Variants in EIF2D observed in about 807,000 individuals in gnomAD.
EIF2D encodes the protein eukaryotic translation initiation factor 2D, also known as hepatocellular carcinoma-associated antigen 56.
Under a neutral mutation model 77.4 loss-of-function variants are expected in EIF2D, and 56 were observed. That is an observed-to-expected ratio of 0.72 (90% CI 0.58 to 0.90). EIF2D has a LOEUF of 0.90. Among genes scored for constraint, EIF2D ranks in the 40% least tolerant of loss-of-function variants. The probability of loss-of-function intolerance (pLI) is 0.00; values close to 1 mark genes in which losing one functional copy is unlikely to be tolerated. For synonymous variants in EIF2D, 230 were observed against 271.0 expected (o/e 0.85, Z 1.49); for missense variants, 574 against 706.5 (o/e 0.81, Z 2.13).
At chr1:206,604,138 G>A (rs1407594218) in intron 5 of EIF2D, among the ~76,000 whole-genome samples, 1 of 152,186 alleles carries the variant, frequency 6.6e-6, no homozygotes, top group Admixed American at 6.5e-5. Flanking sequence ...GACTTGGCAA[G>A]TACTTGTAAA....
chr1:206,612,246 C>T (rs782417113), intron 1 of EIF2D, 41 bp downstream of exon 1: 2 of 1,613,860 alleles, frequency 1.2e-6, no homozygotes, highest in South Asian at 1.1e-5. Flanking sequence ...CAAGAGGTGT[C>T]TGGTTGTTCC....
At chr1:206,574,306 C>T (rs542297858) in intron 4 of EIF2D, among the ~76,000 whole-genome samples, 6 of 152,190 alleles carry the variant, frequency 3.9e-5, no homozygotes, top group East Asian at 1.9e-4. Context: ...TGTGCCACAG[C>T]GCATCCATCT....
intron 4 of EIF2D, among the ~76,000 whole-genome samples, chr1:206,605,865 C>T (rs1670180891): frequency 6.6e-6 from 1 of 152,102 alleles, no homozygotes; most frequent in Admixed American, 6.5e-5. Flanking sequence ...ATCTCCTCTA[C>T]CTTAAAGAAG....
At position 206,611,413 on chromosome 1, in the gene EIF2D, C is replaced by T. The variant is rs187836873; in HGVS notation, c.57-39G>A. On this transcript the variant is annotated intron_variant, in intron 1 of 14. Transcript: ENST00000271764. ...ACCAGCACTGTGAATGCTGCCTGGACAGACTTTTAATAAATATCAAGAACG... is the reference window on the plus strand; with the variant it reads ...ACCAGCACTGTGAATGCTGCCTGGATAGACTTTTAATAAATATCAAGAACG... 2.0e-4 allele frequency: 314 copies of T among 1,552,218 alleles called. 3 individuals carry two copies. In the African/African-American group the frequency reaches 4.0e-3, roughly 20 times the overall value.
chr1:206,602,342 G>A lies in EIF2D; in HGVS notation c.896C>T (p.Ser299Phe), dbSNP rs782310697. 2.8e-5 allele frequency: 45 copies of A among 1,613,892 alleles called. No individual in the cohort carries two copies. The highest frequency in any genetic ancestry group is 3.6e-5 in the Non-Finnish European group (43 of 1,179,854). Residue 299 changes from serine (S) to phenylalanine (F), a missense_variant, in exon 7 of 15, where the codon TCC becomes TTC. Ser to Phe is a radical substitution (Grantham distance 155). Coordinates refer to ENST00000271764, the MANE Select transcript of EIF2D (RefSeq NM_006893.3). ...TSTFLGSHMF[S>F]CCPEGRQLDI... is the part of the protein sequence containing the mutation. ...ACATCAGTGCTTTCCATACCAGCAG[G>A]AGAACATGTGGCTGCCAAGGAAAGT...
chr1:206,586,567 T>G, intron 2 of EIF2D: 1 of 351,118 alleles, frequency 2.8e-6, no homozygotes, highest in Non-Finnish European at 5.3e-6. Context: ...AAACTTAAGA[T>G]TATTGAGTTT....
chr1:206,598,193 A>G (rs568076715), intron 11 of EIF2D, among the ~76,000 whole-genome samples: 11 of 151,616 alleles, frequency 7.3e-5, no homozygotes, highest in African/African-American at 2.7e-4. Flanking sequence ...ATGCCCTACC[A>G]TGCCCGGCTA....
At chr1:206,588,573 A>C (rs949449104), downstream of EIF2D, 2 of 152,300 alleles carry the variant, frequency 1.3e-5, no homozygotes, top group Non-Finnish European at 2.9e-5. Flanking sequence ...TTCAAGCCCA[A>C]GCTTGTTCGT....
chr1:206,591,732 C>A lies in EIF2D; in HGVS notation c.*43G>T, dbSNP rs1669342685. 6.3e-7 allele frequency: 1 copy of A among 1,577,846 alleles called. No homozygotes were observed. ...GCTCATAAAAATTACCAGCCCAGAG[C>A]TTGGATTTCCACCGGATCCACCACG... On this transcript the variant is annotated 3_prime_UTR_variant, in exon 15 of 15. Transcript: ENST00000271764.
chr1:206,581,771 C>T (rs1668890403), intron 2 of EIF2D, among the ~76,000 whole-genome samples: 1 of 152,022 alleles, frequency 6.6e-6, no homozygotes, highest in South Asian at 2.1e-4. Flanking sequence ...GACATTGCAT[C>T]GGTTCTGTGG....
At position 206,592,572 on chromosome 1, in the gene EIF2D, A is replaced by T. The variant is rs1022962732; in HGVS notation, c.1685-727T>A. ...GACCAGGACAGCTGGTGCCTGCAAC[A>T]TGGGTGTAGGAGCTGCCAGAGAGAG... On this transcript the variant is annotated intron_variant, in intron 14 of 14. Transcript: ENST00000271764. The surrounding 1 kb of genome is among the most constrained non-coding windows in gnomAD (Gnocchi z 4.7). Among the ~76,000 whole-genome samples the T allele has an allele frequency of 6.6e-6, 1 of 152,156 alleles. No individual in the cohort carries two copies. The highest frequency in any genetic ancestry group is 1.5e-5 in the Non-Finnish European group (1 of 68,004).
chr1:206,603,079 G>A lies in EIF2D; in HGVS notation c.656C>T (p.Thr219Ile). 1 of 1,614,160 alleles carries A rather than the reference G, an allele frequency of 6.2e-7. No homozygotes were observed. Reference sequence around the variant, plus strand: ...CCCATTCTCCTCTTCCCCCTCCAGGGTCATGTGCCTCATGTCTCCCTGCAG... The same window carrying A: ...CCCATTCTCCTCTTCCCCCTCCAGGATCATGTGCCTCATGTCTCCCTGCAG... Reference protein sequence around the residue: ...STLQGDMRHMTLEGEEENGEV... With the variant: ...STLQGDMRHMILEGEEENGEV... The change falls in exon 6 of 15, where the codon ACC (threonine) becomes ATC (isoleucine). Residue 219 changes from threonine to isoleucine, a missense_variant. Physicochemically the swap from Thr to Ile is moderately conservative, Grantham distance 89 (BLOSUM62 -1). Coordinates refer to ENST00000271764, the MANE Select transcript of EIF2D (RefSeq NM_006893.3).
In EIF2D at chr1:206,604,336, C is replaced by T. The variant is rs565544993; in HGVS notation, c.530+1064G>A. Among the ~76,000 whole-genome samples, 546 of 152,054 alleles carry T rather than the reference C, an allele frequency of 3.6e-3. 1 individual carries two copies. The highest frequency in any genetic ancestry group is 0.013 in the African/African-American group (533 of 41,460). ...GCACAAGCCTGTAATCCCAGCTACT[C>T]GGGAGGCTGAGGTAGGAGAATCACT... On this transcript the variant is annotated intron_variant, in intron 5 of 14. Transcript: ENST00000271764.
At chr1:206,585,511 G>T in intron 2 of EIF2D, 1 of 418,186 alleles carries the variant, frequency 2.4e-6, no homozygotes, top group Admixed American at 3.8e-5. Context: ...GCCTGTGTGT[G>T]GCAAGGCCTG....
intron 14 of EIF2D, 113 bp downstream of exon 14, chr1:206,593,506 A>AGTGTGTGTGTGGGTGTGT: frequency 2.3e-6 from 1 of 441,294 alleles, no homozygotes; most frequent in African/African-American, 2.5e-5. Flanking sequence ...AGAGAGAGAG[A>AGTGTGTGTGTGGGTGTGT]GAGTGTGTGT....
At chr1:206,576,978 A>AT (rs36057143) in intron 4 of EIF2D, among the ~76,000 whole-genome samples, 84,045 of 145,160 alleles carry the variant, frequency 0.58, 24,172 homozygotes, top group Middle Eastern at 0.73. Context: ...TAATTTTTGT[A>AT]TTTTTTTTTT....
downstream of EIF2D, chr1:206,591,604 C>T (rs1669338886): frequency 7.6e-6 from 5 of 658,322 alleles, no homozygotes; most frequent in South Asian, 6.1e-5. Flanking sequence ...AAAATTAGTA[C>T]ATTTTAGCTA....
At position 206,579,655 on chromosome 1, in the gene EIF2D, TAGG is replaced by T. The variant is rs1410875974; in HGVS notation, c.*254+1034_*254+1036del. Reference sequence around the variant, plus strand: ...AATGTTGCTGCGAATTAAAATCAACTAGGAGATTTTTAAAATTCCCATGCCCAG... The same window carrying T: ...AATGTTGCTGCGAATTAAAATCAACTAGATTTTTAAAATTCCCATGCCCAG... On this transcript the variant is annotated intron_variant and NMD_transcript_variant, in intron 4 of 5. Coordinates refer to the EIF2D transcript ENST00000472709. This position sits in a 1 kb window ranked among gnomAD's most constrained non-coding sequence, Gnocchi z 4.2. Among the ~76,000 whole-genome samples, 1 of 151,362 alleles carries T rather than the reference TAGG, an allele frequency of 6.6e-6. No homozygotes were observed. The highest frequency in any genetic ancestry group is 1.9e-4 in the East Asian group (1 of 5,204).
chr1:206,603,834 A>G (rs577232429), intron 5 of EIF2D, among the ~76,000 whole-genome samples: 1 of 152,348 alleles, frequency 6.6e-6, no homozygotes, highest in African/African-American at 2.4e-5. Flanking sequence ...CTTAGCCAAC[A>G]TTATGCAAAT....
Sources: allele counts gnomAD v4.1 joint callset (sites outside exome capture counted in the v4.1 genomes callset), GRCh38; gene constraint gnomAD v4.1.1; non-coding constraint Gnocchi (gnomAD v3.1); transcripts MANE v1.5; gene names NCBI Gene and HGNC (gene_info 2026-07-23, HGNC 2026-07-21).